Variants in CDH18 observed in about 807,000 individuals in gnomAD.
CDH18 encodes cadherin-18.
In CDH18, 31 loss-of-function variants were observed where a neutral mutation model predicts 67.9. That is an observed-to-expected ratio of 0.46 (90% CI 0.34 to 0.62). The LOEUF (loss-of-function observed/expected upper bound fraction) is 0.62, where lower values mean the gene tolerates loss of function less well. Among genes scored for constraint, CDH18 ranks in the 20% least tolerant of loss-of-function variants. CDH18 has a pLI of 0.01. For synonymous variants in CDH18, 362 were observed against 347.2 expected, an observed-to-expected ratio of 1.04 and a Z score of -0.48; for missense variants, 890 against 975.5, an observed-to-expected ratio of 0.91 and a Z score of 1.17.
intron 1 of CDH18, among the ~76,000 whole-genome samples, chr5:20,477,110 G>A (rs1752494342): frequency 6.6e-6 from 1 of 152,062 alleles, no homozygotes; most frequent in South Asian, 2.1e-4. Flanking sequence ...CATCTCCAGG[G>A]AAGAGTATTC....
At position 19,845,589 on chromosome 5, in the gene CDH18, C is replaced by T. The variant is rs1327276578; in HGVS notation, c.-256-6347G>A. On this transcript the variant is annotated intron_variant, in intron 2 of 12. Transcript: ENST00000382275. Reference sequence around the variant, plus strand: ...ATTGATTTTCTGTCTGCATGTTCTACACATTATTGAAAGTTTAGTATTGAC... The same window carrying T: ...ATTGATTTTCTGTCTGCATGTTCTATACATTATTGAAAGTTTAGTATTGAC... Among the ~76,000 whole-genome samples, 5 of 152,158 alleles carry T rather than the reference C, an allele frequency of 3.3e-5. No individual in the cohort carries two copies. The East Asian group carries it at 9.7e-4, about 29-fold the overall frequency.
intron 1 of CDH18, chr5:20,304,943 A>G (rs1736289200): frequency 3.7e-6 from 6 of 1,613,730 alleles, no homozygotes; most frequent in Non-Finnish European, 4.2e-6. Flanking sequence ...TTCACTATCC[A>G]ATCCCGCACG....
intron 5 of CDH18, among the ~76,000 whole-genome samples, chr5:19,695,970 T>C (rs1211254658): frequency 2.0e-5 from 3 of 152,174 alleles, no homozygotes. Context: ...ATTAAAACTA[T>C]CAGCGTAAGC....
intron 5 of CDH18, among the ~76,000 whole-genome samples, chr5:19,643,306 C>T (rs981043928): frequency 6.6e-6 from 1 of 151,946 alleles, no homozygotes; most frequent in Non-Finnish European, 1.5e-5. Context: ...ATAGAACTGC[C>T]GTATGATCCA....
chr5:20,010,052 T>G (rs1737272760), intron 2 of CDH18, among the ~76,000 whole-genome samples: 2 of 151,978 alleles, frequency 1.3e-5, no homozygotes, highest in Admixed American at 6.6e-5. Flanking sequence ...GATGCTTTCT[T>G]TCCTCTTCTT....
At chr5:19,544,753 G>A (rs1173987714) in intron 8 of CDH18, among the ~76,000 whole-genome samples, 3 of 152,124 alleles carry the variant, frequency 2.0e-5, no homozygotes, top group Non-Finnish European at 2.9e-5. Context: ...ACTGCCACAG[G>A]AAAAGCATGA....
intron 5 of CDH18, among the ~76,000 whole-genome samples, chr5:19,719,549 T>A (rs897700599): frequency 4.6e-5 from 7 of 152,000 alleles, no homozygotes; most frequent in Admixed American, 3.3e-4. Flanking sequence ...TGAATAATAA[T>A]GTGTAATCAT....
intron 12 of CDH18, among the ~76,000 whole-genome samples, chr5:19,475,192 GCACACA>G (rs34517461): frequency 2.3e-4 from 34 of 146,320 alleles, no homozygotes; most frequent in Admixed American, 9.6e-4. Flanking sequence ...ATCAATAACA[GCACACA>G]CACACACACA....
intron 2 of CDH18, among the ~76,000 whole-genome samples, chr5:20,043,582 G>A (rs565962184): frequency 9.6e-4 from 146 of 152,176 alleles, no homozygotes; most frequent in Non-Finnish European, 1.6e-3. Context: ...ATTACAAGGT[G>A]TTATGGATAT....
intron 1 of CDH18, among the ~76,000 whole-genome samples, chr5:20,498,221 C>CATT (rs201380836): frequency 6.6e-6 from 1 of 151,900 alleles, no homozygotes; most frequent in East Asian, 1.9e-4. Context: ...TTGATGATAT[C>CATT]AAGTCCATAC....
chr5:19,620,603 A>G (rs1335629538), intron 5 of CDH18, among the ~76,000 whole-genome samples: 2 of 152,206 alleles, frequency 1.3e-5, no homozygotes, highest in African/African-American at 4.8e-5. Flanking sequence ...ACATGATCAT[A>G]AAAGTGGTCA....
intron 1 of CDH18, among the ~76,000 whole-genome samples, chr5:20,391,554 T>C (rs1472419428): frequency 6.6e-6 from 1 of 152,130 alleles, no homozygotes. Context: ...TCCTATGTTC[T>C]ATTTACTAAG....
At chr5:19,728,527 T>C (rs1767155551) in intron 4 of CDH18, among the ~76,000 whole-genome samples, 1 of 152,190 alleles carries the variant, frequency 6.6e-6, no homozygotes, top group Non-Finnish European at 1.5e-5. Flanking sequence ...ATTCTCATTC[T>C]TTTCGTTTGT....
chr5:20,501,399 A>AAT, intron 1 of CDH18, among the ~76,000 whole-genome samples: 1 of 142,666 alleles, frequency 7.0e-6, no homozygotes, highest in South Asian at 2.2e-4. Context: ...CAAATCCTAA[A>AAT]ATATATATAT....
At chr5:20,388,905 T>C (rs1329352347) in intron 1 of CDH18, among the ~76,000 whole-genome samples, 1 of 152,210 alleles carries the variant, frequency 6.6e-6, no homozygotes, top group Non-Finnish European at 1.5e-5. Flanking sequence ...GATTGCACTG[T>C]GGTCTGAGAG....
chr5:20,340,562 T>C (rs1304043244), intron 1 of CDH18, among the ~76,000 whole-genome samples: 1 of 152,178 alleles, frequency 6.6e-6, no homozygotes, highest in Non-Finnish European at 1.5e-5. Context: ...GAAGGCTCAC[T>C]GTCCCTGGAG....
At chr5:19,578,545 T>C (rs1303733845) in intron 7 of CDH18, among the ~76,000 whole-genome samples, 1 of 151,964 alleles carries the variant, frequency 6.6e-6, no homozygotes, top group Non-Finnish European at 1.5e-5. Context: ...TTTAGGTTTT[T>C]TTTTTAAACT....
At chr5:20,460,221 G>T (rs1192673883) in intron 1 of CDH18, among the ~76,000 whole-genome samples, 1 of 151,802 alleles carries the variant, frequency 6.6e-6, no homozygotes, top group Non-Finnish European at 1.5e-5. Context: ...GGTGAAACCT[G>T]TCTCTACTAA....
chr5:19,768,994 A>G (rs948008617), intron 3 of CDH18, among the ~76,000 whole-genome samples: 2 of 152,070 alleles, frequency 1.3e-5, no homozygotes, highest in Non-Finnish European at 2.9e-5. Context: ...AACATTGACA[A>G]GAGGTCAATT....
Sources: gnomAD v4.1 joint callset for allele counts (sites outside exome capture counted in the v4.1 genomes callset) on GRCh38, gnomAD v4.1.1 for gene constraint, MANE v1.5 for transcripts, NCBI Gene and HGNC (gene_info 2026-07-23, HGNC 2026-07-21) for gene names.